ZFYVE9: variants seen among roughly 807,000 people sequenced by gnomAD.
The protein encoded by ZFYVE9 is zinc finger FYVE-type containing 9, also known as zinc finger FYVE domain-containing protein 9.
In ZFYVE9, 43 loss-of-function variants were observed where a neutral mutation model predicts 126.7. The observed-to-expected ratio is 0.34, with a 90% confidence interval of 0.27 to 0.44. The LOEUF is 0.44. ZFYVE9 is among the 20% of genes least tolerant of loss of function. The pLI, the probability that ZFYVE9 is intolerant of heterozygous loss-of-function variation, is 1.00. For missense variants in ZFYVE9, 1,476 were observed against 1,697.0 expected, an observed-to-expected ratio of 0.87 and a Z score of 2.29; for synonymous variants, 521 against 597.4, an observed-to-expected ratio of 0.87 and a Z score of 1.87.
chr1:52,202,047 G>C (rs1246999492), intron 1 of ZFYVE9, among the ~76,000 whole-genome samples: 1 of 152,136 alleles, frequency 6.6e-6, no homozygotes, highest in Non-Finnish European at 1.5e-5. Flanking sequence ...GCCTCCCAAA[G>C]TGCTGGGATT....
chr1:52,311,259 TG>T (rs1212029227), intron 13 of ZFYVE9, among the ~76,000 whole-genome samples: 2 of 122,944 alleles, frequency 1.6e-5, no homozygotes, highest in African/African-American at 3.0e-5. Context: ...GACCTTGGAT[TG>T]ATTTTTTTTT....
chr1:52,156,208 A>C (rs1644401845), intron 1 of ZFYVE9, among the ~76,000 whole-genome samples: 1 of 152,206 alleles, frequency 6.6e-6, no homozygotes, highest in Non-Finnish European at 1.5e-5. Context: ...AAAGGAACTT[A>C]TTTGCCATAT....
intron 7 of ZFYVE9, among the ~76,000 whole-genome samples, chr1:52,270,531 T>C (rs568014248): frequency 1.2e-4 from 19 of 152,344 alleles, no homozygotes; most frequent in Non-Finnish European, 2.5e-4. Flanking sequence ...CCCAAAGTGC[T>C]GGGATTACAG....
chr1:52,146,614 T>TA (rs1644308793), intron 1 of ZFYVE9, among the ~76,000 whole-genome samples: 1 of 152,160 alleles, frequency 6.6e-6, no homozygotes, highest in South Asian at 2.1e-4. Context: ...ATCAGAGCTA[T>TA]AGTTCAGTCC....
intron 2 of ZFYVE9, among the ~76,000 whole-genome samples, chr1:52,220,023 T>A (rs550350310): frequency 8.6e-5 from 13 of 151,988 alleles, no homozygotes; most frequent in Non-Finnish European, 1.5e-4. Flanking sequence ...TGATCCACCC[T>A]CCTTGGCCTC....
At position 52,321,355 on chromosome 1, in the gene ZFYVE9, G is replaced by A. The variant is rs951613188; in HGVS notation, c.3439-11413G>A. Among the ~76,000 whole-genome samples, 27 of 152,218 alleles carry A rather than the reference G, an allele frequency of 1.8e-4. 1 individual carries two copies. Among genetic ancestry groups the A allele is most frequent in the Admixed American group, 1.0e-3 (16 of 15,262 alleles). ...CATTTCTTTTAGGGAATTAGGAGCT[G>A]ATAGTCCTCTTCTTAAAGGAATGAA... On this transcript the variant is annotated intron_variant, in intron 13 of 18. Transcript: ENST00000287727.
At chr1:52,181,546 C>A (rs1227789422) in intron 1 of ZFYVE9, among the ~76,000 whole-genome samples, 1 of 151,936 alleles carries the variant, frequency 6.6e-6, no homozygotes, top group African/African-American at 2.4e-5. Flanking sequence ...GGCCGCCCAT[C>A]GTCTGGGATG....
chr1:52,186,749 A>G (rs1644769004), intron 1 of ZFYVE9, among the ~76,000 whole-genome samples: 1 of 152,222 alleles, frequency 6.6e-6, no homozygotes, highest in African/African-American at 2.4e-5. Context: ...ATACGTAGGA[A>G]TACAGTTAAC....
Position 52,238,720 on chromosome 1 carries a change from A to G in ZFYVE9, c.1303A>G (p.Ser435Gly). 1 of 1,614,128 alleles carries G rather than the reference A, an allele frequency of 6.2e-7. No individual in the cohort carries two copies. Among genetic ancestry groups the G allele is most frequent in the East Asian group, 2.2e-5 (1 of 44,874 alleles). ...ISQPEDTNGD[S>G]GGQCVGLADA... ...TCAGCCTGAGGACACTAATGGTGAT[A>G]GTGGAGGACAGTGTGTTGGATTGGC... is the stretch of plus-strand genomic sequence containing the variant. Residue 435 changes from serine to glycine, a missense_variant, in exon 4 of 19, where the codon AGT becomes GGT. Around this residue, in one of 2 missense-constraint regions of ZFYVE9, gnomAD observed 807 missense variants for 794.6 expected, o/e 1.02. Transcript: ENST00000287727.
At chr1:52,144,833 T>G (rs1361278544) in intron 1 of ZFYVE9, among the ~76,000 whole-genome samples, 1 of 152,190 alleles carries the variant, frequency 6.6e-6, no homozygotes, top group African/African-American at 2.4e-5. Context: ...CCAATGTCAT[T>G]GTCTGTAAAA....
chr1:52,266,624 T>G (rs761368499), intron 5 of ZFYVE9, 31 bp from the exon 6 acceptor site: 8 of 1,536,618 alleles, frequency 5.2e-6, no homozygotes. Context: ...TTGCAATCCA[T>G]TCACATTGAT....
intron 2 of ZFYVE9, among the ~76,000 whole-genome samples, chr1:52,231,078 A>G: frequency 6.6e-6 from 1 of 152,216 alleles, no homozygotes; most frequent in East Asian, 1.9e-4. Context: ...TGTATATTGA[A>G]TGTGTCAGAT....
intron 3 of ZFYVE9, among the ~76,000 whole-genome samples, chr1:52,234,147 A>G (rs1645250886): frequency 6.6e-6 from 1 of 152,180 alleles, no homozygotes; most frequent in Non-Finnish European, 1.5e-5. Context: ...TGAGTGGGTA[A>G]GCCATAATTA....
intron 1 of ZFYVE9, among the ~76,000 whole-genome samples, chr1:52,207,840 T>G (rs1644992014): frequency 6.6e-6 from 1 of 152,252 alleles, no homozygotes; most frequent in African/African-American, 2.4e-5. Context: ...CACAAATTGC[T>G]TTTTTGATGA....
rs748925754 is a variant in ZFYVE9, at chr1:52,237,476, A to AT, written c.71-5dup. The AT allele has an allele frequency of 3.2e-6, 5 of 1,578,108 alleles. No individual in the cohort carries two copies. Among genetic ancestry groups the AT allele is most frequent in the South Asian group, 1.2e-5 (1 of 86,420 alleles). ...ACAAGCAAACTTATTGTAATTACTT[A>AT]TTTTTTTCCAGATGAAACAGTTTCT... On this transcript the variant is annotated splice_polypyrimidine_tract_variant and intron_variant, in intron 3 of 18. Coordinates refer to ENST00000287727, the MANE Select transcript of ZFYVE9 (RefSeq NM_004799.4).
At chr1:52,178,837 G>A (rs749325652) in intron 1 of ZFYVE9, among the ~76,000 whole-genome samples, 11 of 151,980 alleles carry the variant, frequency 7.2e-5, no homozygotes, top group African/African-American at 2.2e-4. Flanking sequence ...ACAGAGTCTC[G>A]CTCTGTTACC....
At chr1:52,224,408 T>C (rs983211667) in intron 2 of ZFYVE9, among the ~76,000 whole-genome samples, 20 of 152,186 alleles carry the variant, frequency 1.3e-4, no homozygotes, top group Admixed American at 3.3e-4. Flanking sequence ...GATACAGAAT[T>C]TGACTTAGGT....
intron 13 of ZFYVE9, among the ~76,000 whole-genome samples, chr1:52,308,772 C>T (rs1340365720): frequency 6.6e-6 from 1 of 152,200 alleles, no homozygotes; most frequent in Non-Finnish European, 1.5e-5. Flanking sequence ...TCTATGCATA[C>T]TATTTGTAAT....
At chr1:52,208,745 C>T (rs1372083869) in intron 1 of ZFYVE9, among the ~76,000 whole-genome samples, 1 of 152,124 alleles carries the variant, frequency 6.6e-6, no homozygotes, top group Non-Finnish European at 1.5e-5. Context: ...GTCAGTCAGG[C>T]TGGTCTTGAA....
Sources: allele counts gnomAD v4.1 joint callset (sites outside exome capture counted in the v4.1 genomes callset), GRCh38; gene constraint gnomAD v4.1.1; regional missense constraint gnomAD v4.1.1; transcripts MANE v1.5; gene names NCBI Gene and HGNC (gene_info 2026-07-23, HGNC 2026-07-21).